Variants in NME9 observed in about 807,000 individuals in gnomAD.
NME9 encodes the protein NME/NM23 family member 9, also known as thioredoxin domain-containing protein 6.
NME9 carries 48 observed loss-of-function variants against 44.4 expected under a neutral mutation model. The ratio of observed to expected loss-of-function variants is 1.08; its 90% CI spans 0.86 to 1.37. The LOEUF is 1.37. Ranked by LOEUF, NME9 falls within the 40% of genes most tolerant of loss-of-function variation. NME9 has a pLI of 0.00. For synonymous variants in NME9, 139 were observed against 147.1 expected (o/e 0.94, Z 0.40); for missense variants, 325 against 405.2 (o/e 0.80, Z 1.70).
intron 8 of NME9, among the ~76,000 whole-genome samples, chr3:138,278,708 T>G (rs569998210): frequency 2.0e-5 from 3 of 152,296 alleles, no homozygotes; most frequent in African/African-American, 7.2e-5. Flanking sequence ...TTCCCAATTA[T>G]TTAGGTCTTC....
At chr3:138,299,108 G>A (rs747689625), downstream of NME9, among the ~76,000 whole-genome samples, 18 of 152,198 alleles carry the variant, frequency 1.2e-4, no homozygotes, top group Non-Finnish European at 1.2e-4. Context: ...GCCACCTGGG[G>A]TAGGAACTGG....
chr3:138,318,897 A>G (rs2053278167), intron 3 of NME9, among the ~76,000 whole-genome samples: 1 of 152,208 alleles, frequency 6.6e-6, no homozygotes, highest in Admixed American at 6.5e-5. Flanking sequence ...AACAGTGTTC[A>G]TGAGCCAAGA....
At chr3:138,315,685 AT>A in intron 4 of NME9, 42 bp from the exon 5 acceptor site, 1 of 1,425,200 alleles carries the variant, frequency 7.0e-7, no homozygotes, top group Non-Finnish European at 9.6e-7. Flanking sequence ...CTTGGCAAAT[AT>A]TAATCTCTTG....
intron 8 of NME9, among the ~76,000 whole-genome samples, chr3:138,294,977 C>T (rs776441397): frequency 2.6e-5 from 4 of 151,784 alleles, no homozygotes; most frequent in Non-Finnish European, 5.9e-5. Flanking sequence ...CAGCTCACTG[C>T]AACCTCCACC....
At chr3:138,301,772 C>T in intron 10 of NME9, 68 bp from the exon 11 acceptor site, 1 of 1,266,782 alleles carries the variant, frequency 7.9e-7, no homozygotes, top group South Asian at 1.3e-5. Context: ...GTCCCACCCA[C>T]CATCCACAAA....
intron 8 of NME9, among the ~76,000 whole-genome samples, chr3:138,272,790 T>C (rs1322593055): frequency 6.6e-6 from 1 of 152,140 alleles, no homozygotes; most frequent in African/African-American, 2.4e-5. Context: ...CAGAATTGCT[T>C]GAACCCGGGA....
chr3:138,306,305 G>T (rs897080763), intron 7 of NME9, 93 bp downstream of exon 7: 7 of 992,046 alleles, frequency 7.1e-6, no homozygotes, highest in Admixed American at 3.5e-5. Context: ...TCATCTTTCT[G>T]CACTAAGATA....
chr3:138,297,034 C>G (rs1462839570), downstream of NME9: 3 of 152,148 alleles, frequency 2.0e-5, no homozygotes, highest in African/African-American at 2.4e-5. Flanking sequence ...TAGAAAGAAA[C>G]AAAGAACAGG....
At chr3:138,319,976 G>A (rs560339870) in intron 2 of NME9, among the ~76,000 whole-genome samples, 103 of 152,246 alleles carry the variant, frequency 6.8e-4, no homozygotes, top group Non-Finnish European at 1.3e-3. Context: ...GCACACAATT[G>A]ACTTTTATGT....
chr3:138,324,738 AC>A (rs2053675178), intron 2 of NME9, 134 bp downstream of exon 2: 65 of 580,778 alleles, frequency 1.1e-4, no homozygotes, highest in Middle Eastern at 1.1e-3. Flanking sequence ...ACACACACAC[AC>A]ATCACCTGGT....
chr3:138,315,439 A>T (rs1391763708), intron 5 of NME9, 88 bp downstream of exon 5: 1 of 848,866 alleles, frequency 1.2e-6, no homozygotes, highest in African/African-American at 1.7e-5. Flanking sequence ...CAGCTCCAGG[A>T]AAGTCAGGTG....
intron 6 of NME9, among the ~76,000 whole-genome samples, chr3:138,312,354 C>G (rs2052756879): frequency 6.6e-6 from 1 of 152,144 alleles, no homozygotes; most frequent in Non-Finnish European, 1.5e-5. Context: ...CATCACACTA[C>G]CTGACTTCAG....
chr3:138,314,420 G>A lies in NME9; in HGVS notation c.385-13C>T. 1 of 1,563,348 alleles carries A rather than the reference G, an allele frequency of 6.4e-7. No individual in the cohort carries two copies. Among genetic ancestry groups the A allele is most frequent in the Non-Finnish European group, 8.8e-7 (1 of 1,142,072 alleles). On this transcript the variant is annotated splice_polypyrimidine_tract_variant and intron_variant, in intron 5 of 10. Coordinates refer to ENST00000333911, the MANE Select transcript of NME9 (RefSeq NM_001349018.2). The stretch of plus-strand genomic sequence containing the variant: ...CCTCATCTTTAATCTAGTACAAATT[G>A]GTCATTAAAAGAAAGTAGTTAGCTA...
chr3:138,296,919 C>G (rs561882772), downstream of NME9: 2 of 152,288 alleles, frequency 1.3e-5, no homozygotes, highest in East Asian at 3.9e-4. Flanking sequence ...GAAACTTGTG[C>G]TCAAACTAAA....
intron 1 of NME9, among the ~76,000 whole-genome samples, chr3:138,325,780 G>C (rs536960343): frequency 1.4e-5 from 2 of 144,472 alleles, no homozygotes; most frequent in East Asian, 2.1e-4. Flanking sequence ...TGCAAGTACA[G>C]TATAAAGATT....
At chr3:138,288,474 G>A (rs552003125) in intron 8 of NME9, among the ~76,000 whole-genome samples, 19 of 152,060 alleles carry the variant, frequency 1.2e-4, no homozygotes, top group Non-Finnish European at 4.4e-5. Context: ...CCAGCCAGAT[G>A]GTTTTTTAAA....
At position 138,305,003 on chromosome 3, in the gene NME9, G is replaced by A. The variant is rs772696508; in HGVS notation, c.661C>T (p.His221Tyr). 2 of 1,614,080 alleles carry A rather than the reference G, an allele frequency of 1.2e-6. No individual in the cohort carries two copies. The change falls in exon 9 of 11, where the codon CAC becomes TAC. Residue 221 changes from histidine to tyrosine, a missense_variant. Transcript: ENST00000333911. ...AGGTGGCTTGGTCCACTGCACATGT[G>A]ATGTACCAGCTTCTCAAATGCCTCC... ...GEEAFEKLVH[H>Y]MCSGPSHLLI...
intron 8 of NME9, chr3:138,289,140 T>C: frequency 6.3e-7 from 1 of 1,598,822 alleles, no homozygotes; most frequent in Admixed American, 1.7e-5. Flanking sequence ...TGGTGAGATT[T>C]GTTTTGAAAA....
chr3:138,314,198 A>C, intron 6 of NME9, 134 bp downstream of exon 6: 1 of 542,364 alleles, frequency 1.8e-6, no homozygotes, highest in Non-Finnish European at 3.3e-6. Context: ...AATTTTTAAA[A>C]GAAAATTATG....
Sources: allele counts gnomAD v4.1 joint callset (sites outside exome capture counted in the v4.1 genomes callset), GRCh38; gene constraint gnomAD v4.1.1; transcripts MANE v1.5; gene names NCBI Gene and HGNC (gene_info 2026-07-23, HGNC 2026-07-21).